CPVL: variants seen among roughly 807,000 people sequenced by gnomAD.
CPVL encodes probable serine carboxypeptidase CPVL.
A neutral mutation model predicts 63.7 loss-of-function variants in CPVL; 51 were observed. The observed-to-expected ratio is 0.80, with a 90% confidence interval of 0.64 to 1.01. The LOEUF (loss-of-function observed/expected upper bound fraction) is 1.01, where lower values mean the gene tolerates loss of function less well. CPVL is among the 50% of genes least tolerant of loss of function. CPVL has a pLI of 0.00. For synonymous variants in CPVL, 195 were observed against 206.0 expected (o/e 0.95, Z 0.46); for missense variants, 530 against 573.1 (o/e 0.92, Z 0.77).
rs192887483 is a variant in CPVL at position 29,167,918 on chromosome 7, C to T, written c.-11+13372G>A. Among the ~76,000 whole-genome samples, 60 of 152,332 alleles carry T rather than the reference C, an allele frequency of 3.9e-4. 1 individual carries two copies. The East Asian group carries it at 6.4e-3, about 16-fold the overall frequency. ...AAAAACCCCCATGCTTTCCTTCCCT[C>T]TGACAAGGAGGCCTACAACATCGGA... On this transcript the variant is annotated intron_variant, in intron 5 of 16. Transcript: ENST00000409850.
upstream of CPVL, chr7:29,146,726 A>ATCG: frequency 1.9e-6 from 3 of 1,550,562 alleles, no homozygotes; most frequent in Middle Eastern, 3.3e-4. Flanking sequence ...AATGAAGAGC[A>ATCG]TCGGCGGGGT....
downstream of CPVL, among the ~76,000 whole-genome samples, chr7:28,994,914 A>AGAT (rs1366655423): frequency 6.6e-6 from 1 of 152,234 alleles, no homozygotes; most frequent in African/African-American, 2.4e-5. Context: ...TAAATCGAAA[A>AGAT]GATGTGCCAG....
chr7:29,076,522 C>T (rs942238864), intron 7 of CPVL, among the ~76,000 whole-genome samples: 5 of 152,282 alleles, frequency 3.3e-5, no homozygotes, highest in South Asian at 2.1e-4. Flanking sequence ...GAAGCTCAGC[C>T]GGATAAACAT....
intron 12 of CPVL, among the ~76,000 whole-genome samples, chr7:29,027,665 A>G (rs1412714220): frequency 6.6e-6 from 1 of 152,218 alleles, no homozygotes; most frequent in Non-Finnish European, 1.5e-5. Flanking sequence ...AAAACTCACT[A>G]GCATTTCTAT....
intron 3 of CPVL, among the ~76,000 whole-genome samples, chr7:29,097,081 G>C (rs1391992809): frequency 6.6e-6 from 1 of 151,662 alleles, no homozygotes; most frequent in South Asian, 2.1e-4. Flanking sequence ...GACAGCCCCA[G>C]GGGCCTTTAG....
chr7:29,075,692 A>G (rs1784175197), intron 7 of CPVL, among the ~76,000 whole-genome samples: 1 of 151,980 alleles, frequency 6.6e-6, no homozygotes, highest in Admixed American at 6.6e-5. Context: ...ATCCAAAATG[A>G]AATTCTTCAA....
At position 29,182,131 on chromosome 7, in the gene CPVL, T is replaced by C. The variant is rs116844924; in HGVS notation, c.-133-719A>G. Among the ~76,000 whole-genome samples the C allele has an allele frequency of 5.3e-5, 8 of 152,366 alleles. No individual in the cohort carries two copies. In the East Asian group the frequency reaches 1.5e-3, roughly 29 times the overall value. ...GAGAACTAACACTCATTAATCACTCTGCTGTCTTCCTCTTAATGAAAACCT... is the reference window on the plus strand; with the variant it reads ...GAGAACTAACACTCATTAATCACTCCGCTGTCTTCCTCTTAATGAAAACCT... On this transcript the variant is annotated intron_variant, in intron 4 of 16. Transcript: ENST00000409850.
intron 12 of CPVL, chr7:29,008,985 A>G (rs1785501143): frequency 6.6e-6 from 1 of 151,946 alleles, no homozygotes; most frequent in Admixed American, 6.6e-5. Context: ...TTACTGAGCC[A>G]CTGTTGGCAG....
intron 7 of CPVL, among the ~76,000 whole-genome samples, chr7:29,080,052 C>A (rs563046262): frequency 4.2e-4 from 64 of 152,144 alleles, no homozygotes; most frequent in African/African-American, 1.5e-3. Context: ...CCCTGGAAAA[C>A]AACGGAGGCC....
chr7:29,151,791 T>C (rs1793629429), intron 5 of CPVL, among the ~76,000 whole-genome samples: 1 of 152,166 alleles, frequency 6.6e-6, no homozygotes, highest in African/African-American at 2.4e-5. Flanking sequence ...AGCCTTCTCA[T>C]GTATGGGAAG....
chr7:29,032,418 G>A (rs1178283868), intron 11 of CPVL, among the ~76,000 whole-genome samples: 1 of 152,030 alleles, frequency 6.6e-6, no homozygotes, highest in Non-Finnish European at 1.5e-5. Context: ...TAGATTTAAA[G>A]CCTGTTAAAA....
chr7:29,194,883 C>G (rs1783445823), intron 1 of CPVL: 1 of 1,383,330 alleles, frequency 7.2e-7, no homozygotes, highest in African/African-American at 1.5e-5. Context: ...CGGGCGAGGG[C>G]AGCGGCGGCG....
At chr7:29,084,088 C>T (rs1186563536) in intron 7 of CPVL, among the ~76,000 whole-genome samples, 1 of 152,114 alleles carries the variant, frequency 6.6e-6, no homozygotes, top group African/African-American at 2.4e-5. Context: ...TCAAACATAG[C>T]AGATACTCAA....
intron 3 of CPVL, among the ~76,000 whole-genome samples, chr7:29,106,203 G>A (rs1471631092): frequency 6.6e-6 from 1 of 152,168 alleles, no homozygotes; most frequent in Non-Finnish European, 1.5e-5. Flanking sequence ...CACACAGCCT[G>A]GAGCACACGG....
intron 3 of CPVL, among the ~76,000 whole-genome samples, chr7:29,103,610 T>C (rs1363174449): frequency 6.6e-6 from 1 of 151,986 alleles, no homozygotes; most frequent in Non-Finnish European, 1.5e-5. Context: ...ATTTTAGGAA[T>C]CTCAACAAGT....
chr7:29,152,948 T>G (rs1415970454), intron 5 of CPVL, among the ~76,000 whole-genome samples: 1 of 152,248 alleles, frequency 6.6e-6, no homozygotes, highest in African/African-American at 2.4e-5. Context: ...CATGCCACTC[T>G]TCCTTGGAGT....
intron 7 of CPVL, among the ~76,000 whole-genome samples, chr7:29,073,751 C>A (rs1783973833): frequency 6.6e-6 from 1 of 152,200 alleles, no homozygotes; most frequent in Admixed American, 6.5e-5. Context: ...TTCTCCTACC[C>A]ATACTAGAAT....
intron 7 of CPVL, among the ~76,000 whole-genome samples, chr7:29,077,239 T>C (rs865785002): frequency 6.6e-6 from 1 of 152,200 alleles, no homozygotes; most frequent in Non-Finnish European, 1.5e-5. Flanking sequence ...ATTTCACATA[T>C]GGTAGCAGTT....
At chr7:29,157,484 ATTCACAGTCTCT>A (rs1335708029) in intron 5 of CPVL, among the ~76,000 whole-genome samples, 3 of 152,196 alleles carry the variant, frequency 2.0e-5, no homozygotes, top group Non-Finnish European at 4.4e-5. Flanking sequence ...ACAGTGGCTT[ATTCACAGTCTCT>A]TTCATGGACC....
Sources: allele counts gnomAD v4.1 joint callset (sites outside exome capture counted in the v4.1 genomes callset), GRCh38; gene constraint gnomAD v4.1.1; transcripts MANE v1.5; gene names NCBI Gene and HGNC (gene_info 2026-07-23, HGNC 2026-07-21).